DGKI: variants seen among roughly 807,000 people sequenced by gnomAD.
The protein encoded by DGKI is diacylglycerol kinase iota.
A neutral mutation model predicts 147.5 loss-of-function variants in DGKI; 55 were observed. That is an observed-to-expected ratio of 0.37 (90% confidence interval 0.30 to 0.47). The LOEUF is 0.47. Ranked by LOEUF, DGKI falls within the 20% of genes least tolerant of loss-of-function variation. The pLI is 1.00. For synonymous variants in DGKI, 469 were observed against 477.1 expected (o/e 0.98, Z 0.22); for missense variants, 1,007 against 1,323.8 (o/e 0.76, Z 3.71).
intron 1 of DGKI, among the ~76,000 whole-genome samples, chr7:137,767,886 A>G (rs1365110823): frequency 6.6e-6 from 1 of 152,208 alleles, no homozygotes; most frequent in Non-Finnish European, 1.5e-5. Context: ...TGCACCCAGA[A>G]AATACATAAT....
In DGKI at chr7:137,632,542, G is replaced by C. The variant is rs181176292; in HGVS notation, c.805-8988C>G. On this transcript the variant is annotated intron_variant, in intron 6 of 32. Coordinates refer to ENST00000614521, the MANE Select transcript of DGKI (RefSeq NM_001321708.2). Reference sequence around the variant, plus strand: ...ATACCCTGGGTATGAAGCAGCACCAGGTATCTAATGGTCCCCTATTAAAAT... The same window carrying C: ...ATACCCTGGGTATGAAGCAGCACCACGTATCTAATGGTCCCCTATTAAAAT... Among the ~76,000 whole-genome samples, 28 of 152,232 alleles carry C rather than the reference G, an allele frequency of 1.8e-4. No homozygotes were observed. The East Asian group carries it at 4.8e-3, about 26-fold the overall frequency.
chr7:137,394,983 A>G lies in DGKI; in HGVS notation c.3057+615T>C, dbSNP rs17169125. Among the ~76,000 whole-genome samples the G allele has an allele frequency of 6.3e-3, 961 of 152,314 alleles. 32 individuals carry two copies. In the East Asian group the frequency reaches 0.064, roughly 10 times the overall value. ...CTCTAGGCTTTTAGCTCCTATACCT[A>G]TAAATGACAGTAATTCCCATGCTAT... is the stretch of plus-strand genomic sequence containing the variant. On this transcript the variant is annotated intron_variant, in intron 32 of 32. Transcript: ENST00000614521.
intron 28 of DGKI, among the ~76,000 whole-genome samples, chr7:137,416,259 T>C (rs1245893767): frequency 6.6e-6 from 1 of 152,138 alleles, no homozygotes; most frequent in Non-Finnish European, 1.5e-5. Context: ...ATATATAAGT[T>C]AATAAAAATA....
intron 13 of DGKI, 37 bp from the exon 14 acceptor site, chr7:137,585,383 G>A: frequency 6.3e-7 from 1 of 1,597,548 alleles, no homozygotes; most frequent in Non-Finnish European, 8.5e-7. Flanking sequence ...GCTGTCCAGA[G>A]TGGAGAACAG....
intron 21 of DGKI, among the ~76,000 whole-genome samples, chr7:137,505,312 A>G (rs1184872551): frequency 1.3e-5 from 2 of 152,200 alleles, no homozygotes; most frequent in African/African-American, 4.8e-5. Context: ...CTTGGAGAGA[A>G]CGTGCATTGA....
intron 19 of DGKI, among the ~76,000 whole-genome samples, chr7:137,555,463 C>T (rs114556386): frequency 0.11 from 16,510 of 151,744 alleles, 2,002 homozygotes; most frequent in African/African-American, 0.3. Flanking sequence ...GAGGTCAAGG[C>T]CGCAGTGAGC....
At chr7:137,439,582 T>C (rs1175407272) in intron 28 of DGKI, among the ~76,000 whole-genome samples, 1 of 152,178 alleles carries the variant, frequency 6.6e-6, no homozygotes, top group African/African-American at 2.4e-5. Context: ...GCCCCATCCT[T>C]GACACATGGG....
At chr7:137,410,104 T>G (rs1477964989) in intron 29 of DGKI, among the ~76,000 whole-genome samples, 1 of 152,096 alleles carries the variant, frequency 6.6e-6, no homozygotes, top group East Asian at 1.9e-4. Context: ...ATTCCATCTC[T>G]CAGTAAATAA....
chr7:137,590,946 G>A (rs1819588470), intron 12 of DGKI, among the ~76,000 whole-genome samples: 1 of 152,168 alleles, frequency 6.6e-6, no homozygotes, highest in African/African-American at 2.4e-5. Context: ...TGATCCGCCC[G>A]CCAAAGTGCT....
intron 31 of DGKI, among the ~76,000 whole-genome samples, chr7:137,396,812 A>C (rs1023018033): frequency 2.6e-5 from 4 of 152,206 alleles, no homozygotes; most frequent in African/African-American, 9.7e-5. Flanking sequence ...AAGGTTGAAA[A>C]CAAACATTAT....
chr7:137,605,812 G>T (rs1820165286), intron 10 of DGKI, among the ~76,000 whole-genome samples: 1 of 152,314 alleles, frequency 6.6e-6, no homozygotes, highest in East Asian at 1.9e-4. Context: ...ACTGGGAAGG[G>T]TGTGGTGGGT....
chr7:137,696,722 A>G (rs988212469), intron 1 of DGKI, among the ~76,000 whole-genome samples: 3 of 134,854 alleles, frequency 2.2e-5, no homozygotes, highest in African/African-American at 7.6e-5. Context: ...TTGAGAATGG[A>G]GAAAAAATAA....
intron 21 of DGKI, among the ~76,000 whole-genome samples, chr7:137,504,802 G>C (rs990659775): frequency 3.9e-5 from 6 of 152,030 alleles, no homozygotes; most frequent in Non-Finnish European, 8.8e-5. Flanking sequence ...AGAAAAGCTA[G>C]ATAAGCTTGG....
rs1380482465 is a variant in DGKI at position 137,388,620 on chromosome 7, C to T, written c.*2600G>A. 1 of 152,164 alleles carries T rather than the reference C, an allele frequency of 6.6e-6. No individual in the cohort carries two copies. The highest frequency in any genetic ancestry group is 2.4e-5 in the African/African-American group (1 of 41,444). The allele number at this position is 152,164 out of a possible 1,614,324, so 9.4% of individuals were successfully genotyped here. ...AAACTCCTAGACCATAAGGCCTTAGCTCTTTCCAAAGCCCAGGACCAATTT... is the reference window on the plus strand; with the variant it reads ...AAACTCCTAGACCATAAGGCCTTAGTTCTTTCCAAAGCCCAGGACCAATTT... On this transcript the variant is annotated 3_prime_UTR_variant, in exon 33 of 33. Transcript: ENST00000614521.
chr7:137,405,978 A>G (rs1444999618), intron 30 of DGKI, among the ~76,000 whole-genome samples: 3 of 151,938 alleles, frequency 2.0e-5, no homozygotes, highest in African/African-American at 7.2e-5. Flanking sequence ...TCTCCAGGAA[A>G]GGTGAAAAGA....
chr7:137,483,380 T>C (rs1563046917), intron 23 of DGKI, among the ~76,000 whole-genome samples: 2 of 152,144 alleles, frequency 1.3e-5, no homozygotes, highest in South Asian at 2.1e-4. Context: ...CATAGTCTTA[T>C]AACTACTACT....
At chr7:137,425,160 G>C (rs752992791) in intron 28 of DGKI, among the ~76,000 whole-genome samples, 1 of 152,206 alleles carries the variant, frequency 6.6e-6, no homozygotes, top group Non-Finnish European at 1.5e-5. Flanking sequence ...AGTAGGGGCA[G>C]ACTGACACCT....
At chr7:137,629,652 C>T (rs528568503) in intron 6 of DGKI, among the ~76,000 whole-genome samples, 15 of 152,290 alleles carry the variant, frequency 9.8e-5, no homozygotes, top group Non-Finnish European at 1.6e-4. Flanking sequence ...TACTGACTTA[C>T]GGACTATATC....
chr7:137,739,505 A>T (rs1369762095), intron 1 of DGKI, among the ~76,000 whole-genome samples: 1 of 152,154 alleles, frequency 6.6e-6, no homozygotes, highest in African/African-American at 2.4e-5. Context: ...AGACCTCGAG[A>T]TCCTAGCGGC....
Sources: gnomAD v4.1 joint callset for allele counts (sites outside exome capture counted in the v4.1 genomes callset) on GRCh38, gnomAD v4.1.1 for gene constraint, MANE v1.5 for transcripts, NCBI Gene and HGNC (gene_info 2026-07-23, HGNC 2026-07-21) for gene names.